CSMD1: variants seen among roughly 807,000 people sequenced by gnomAD.
CSMD1 encodes the protein CUB and Sushi multiple domains 1.
In CSMD1, 213 loss-of-function variants were observed where a neutral mutation model predicts 417.5. That is an observed-to-expected ratio of 0.51 (90% CI 0.46 to 0.57). The LOEUF is 0.57. CSMD1 is among the 20% of genes least tolerant of loss of function. The pLI, the probability that CSMD1 is intolerant of heterozygous loss-of-function variation, is 0.00. For synonymous variants in CSMD1, 2,862 were observed against 1,736.8 expected (o/e 1.65, Z -16.11); for missense variants, 6,923 against 4,529.7 (o/e 1.53, Z -15.17).
At chr8:3,913,264 G>A (rs991514438) in intron 5 of CSMD1, among the ~76,000 whole-genome samples, 1 of 152,136 alleles carries the variant, frequency 6.6e-6, no homozygotes, top group African/African-American at 2.4e-5. Context: ...GAATGACAAT[G>A]GAAGCCATGG....
chr8:3,966,108 A>G (rs1325303894), intron 5 of CSMD1, among the ~76,000 whole-genome samples: 1 of 152,204 alleles, frequency 6.6e-6, no homozygotes, highest in Non-Finnish European at 1.5e-5. Context: ...GTACTTCATA[A>G]TTTAGGGAAT....
rs73183542 is a variant in CSMD1, at chr8:3,126,125, C to T, written c.6242-7538G>A. Among the ~76,000 whole-genome samples, 1,002 of 152,276 alleles carry T rather than the reference C, an allele frequency of 6.6e-3. 7 individuals are homozygous for T. The highest frequency in any genetic ancestry group is 0.011 in the Non-Finnish European group (751 of 68,022). On this transcript the variant is annotated intron_variant, in intron 41 of 69. Coordinates refer to ENST00000635120, the MANE Select transcript of CSMD1 (RefSeq NM_033225.6). ...CAGCCTGGTTGTGCCAATACGGGGA[C>T]TTGAACATTCCACTTAATCCCAGGA...
intron 2 of CSMD1, among the ~76,000 whole-genome samples, chr8:4,453,008 G>A (rs1374596752): frequency 6.6e-6 from 1 of 152,124 alleles, no homozygotes; most frequent in African/African-American, 2.4e-5. Flanking sequence ...ACAGTCCTCT[G>A]AAGAATACAA....
At chr8:3,225,552 C>G (rs913132122) in intron 27 of CSMD1, among the ~76,000 whole-genome samples, 1 of 151,880 alleles carries the variant, frequency 6.6e-6, no homozygotes. Context: ...AAAGAAGGTA[C>G]CTGAAGGTCT....
intron 3 of CSMD1, among the ~76,000 whole-genome samples, chr8:4,054,385 C>T (rs182362446): frequency 4.6e-5 from 7 of 152,046 alleles, no homozygotes; most frequent in Non-Finnish European, 7.4e-5. Context: ...AGGGGATGGC[C>T]GCCCGAGCCA....
chr8:3,553,232 T>C (rs147164494), intron 10 of CSMD1, among the ~76,000 whole-genome samples: 43 of 152,272 alleles, frequency 2.8e-4, no homozygotes, highest in African/African-American at 9.9e-4. Flanking sequence ...GATACCTAGG[T>C]AGGCTTTCAG....
At chr8:4,475,540 T>A (rs888580175) in intron 2 of CSMD1, among the ~76,000 whole-genome samples, 1 of 152,176 alleles carries the variant, frequency 6.6e-6, no homozygotes, top group African/African-American at 2.4e-5. Context: ...GAAAGTTTCA[T>A]CTATCTTGCA....
intron 50 of CSMD1, among the ~76,000 whole-genome samples, chr8:3,038,770 T>A (rs772810712): frequency 6.6e-6 from 1 of 152,148 alleles, no homozygotes; most frequent in Non-Finnish European, 1.5e-5. Context: ...TAAATAAGAA[T>A]ATATCCACAT....
intron 5 of CSMD1, among the ~76,000 whole-genome samples, chr8:3,910,129 G>C (rs568185562): frequency 1.3e-5 from 2 of 152,202 alleles, no homozygotes; most frequent in African/African-American, 2.4e-5. Flanking sequence ...TAATAACAGT[G>C]TGTGAGCTTT....
chr8:3,535,093 T>G (rs1005030214), intron 10 of CSMD1, among the ~76,000 whole-genome samples: 1 of 151,748 alleles, frequency 6.6e-6, no homozygotes, highest in Non-Finnish European at 1.5e-5. Context: ...GACTACAGGG[T>G]GTACCAACAT....
chr8:3,816,253 A>G (rs958392660), intron 5 of CSMD1, among the ~76,000 whole-genome samples: 2 of 152,178 alleles, frequency 1.3e-5, no homozygotes, highest in African/African-American at 4.8e-5. Context: ...GTTACGGTGC[A>G]TTCATTTTCT....
intron 10 of CSMD1, among the ~76,000 whole-genome samples, chr8:3,552,297 C>T (rs1798951123): frequency 6.6e-6 from 1 of 151,436 alleles, no homozygotes; most frequent in Admixed American, 6.6e-5. Context: ...GCATCATCCA[C>T]ATGGCATGAA....
At chr8:4,471,389 T>G (rs1462369851) in intron 2 of CSMD1, among the ~76,000 whole-genome samples, 1 of 152,148 alleles carries the variant, frequency 6.6e-6, no homozygotes, top group Non-Finnish European at 1.5e-5. Context: ...AATTTACTAT[T>G]TTGACAAGGT....
At chr8:4,420,695 G>C (rs529324230) in intron 2 of CSMD1, among the ~76,000 whole-genome samples, 1 of 152,102 alleles carries the variant, frequency 6.6e-6, no homozygotes, top group Non-Finnish European at 1.5e-5. Context: ...GAGTGAGATG[G>C]TCAGGATAGC....
chr8:4,392,667 T>TA (rs1803925907), intron 3 of CSMD1, among the ~76,000 whole-genome samples: 1 of 151,552 alleles, frequency 6.6e-6, no homozygotes, highest in African/African-American at 2.4e-5. Flanking sequence ...TTATTATTAT[T>TA]TTTTTTTGAG....
intron 3 of CSMD1, among the ~76,000 whole-genome samples, chr8:4,404,757 T>A (rs1163303941): frequency 6.6e-6 from 1 of 152,074 alleles, no homozygotes; most frequent in Non-Finnish European, 1.5e-5. Flanking sequence ...ATGGCACATA[T>A]AAATGAAAGT....
chr8:4,484,694 G>A (rs112230120), intron 2 of CSMD1, among the ~76,000 whole-genome samples: 13,753 of 151,968 alleles, frequency 0.09, 800 homozygotes, highest in Admixed American at 0.19. Flanking sequence ...AAGTCACCGG[G>A]CACGATGGCT....
intron 6 of CSMD1, among the ~76,000 whole-genome samples, chr8:3,714,059 G>GATAGATAGATAA (rs1563301773): frequency 6.7e-6 from 1 of 150,120 alleles, no homozygotes; most frequent in Non-Finnish European, 1.5e-5. Flanking sequence ...TAGATAGATA[G>GATAGATAGATAA]ATGTCCACAT....
chr8:4,958,019 G>A (rs1380524733), intron 1 of CSMD1, among the ~76,000 whole-genome samples: 2 of 152,136 alleles, frequency 1.3e-5, no homozygotes, highest in Admixed American at 6.5e-5. Flanking sequence ...TTCAAGTCAC[G>A]ACGTTGAGGA....
Sources: gnomAD v4.1 joint callset for allele counts (sites outside exome capture counted in the v4.1 genomes callset) on GRCh38, gnomAD v4.1.1 for gene constraint, MANE v1.5 for transcripts, NCBI Gene and HGNC (gene_info 2026-07-23, HGNC 2026-07-21) for gene names.